The following LAMA5 variants were observed in gnomAD, a reference collection of about 807,000 sequenced individuals.
LAMA5 encodes the protein laminin subunit alpha-5.
Under a neutral mutation model 433.4 loss-of-function variants are expected in LAMA5, and 260 were observed. The ratio of observed to expected loss-of-function variants is 0.60; its 90% CI spans 0.54 to 0.66. The LOEUF (loss-of-function observed/expected upper bound fraction) is 0.66, where lower values mean the gene tolerates loss of function less well. LAMA5 is among the 30% of genes least tolerant of loss of function. The pLI is 0.00. For synonymous variants in LAMA5, 2,620 were observed against 2,226.6 expected, an observed-to-expected ratio of 1.18 and a Z score of -4.97; for missense variants, 5,378 against 5,258.5, an observed-to-expected ratio of 1.02 and a Z score of -0.70.
intron 41 of LAMA5, 60 bp downstream of exon 41, chr20:62,325,256 C>T: frequency 1.8e-6 from 2 of 1,107,306 alleles, no homozygotes; most frequent in Non-Finnish European, 2.6e-6. Context: ...AGGGAGGATG[C>T]TGGAGGGAAG....
rs1985675842 is a variant in LAMA5, at chr20:62,359,210, G to GGAGGCAATGCCCTCCTCTGCTGGGGA, written c.450+3164_450+3189dup. Among the ~76,000 whole-genome samples the GGAGGCAATGCCCTCCTCTGCTGGGGA allele has an allele frequency of 6.6e-6, 1 of 152,152 alleles. No individual in the cohort carries two copies. The highest frequency in any genetic ancestry group is 1.5e-5 in the Non-Finnish European group (1 of 68,028). On this transcript the variant is annotated intron_variant, in intron 2 of 79. Transcript: ENST00000252999. The surrounding 1 kb of genome is among the most constrained non-coding windows in gnomAD (Gnocchi z 4.3). ...CCTCACTCCTCATCTGAGGGAGGCGGGAGGCAATGCCCTCCTCTGCTGGGG... is the reference window on the plus strand; with the variant it reads ...CCTCACTCCTCATCTGAGGGAGGCGGGAGGCAATGCCCTCCTCTGCTGGGGAGAGGCAATGCCCTCCTCTGCTGGGG...
In LAMA5 at chr20:62,332,469, C is replaced by T. The variant is rs1441385632; in HGVS notation, c.3455G>A (p.Arg1152Gln). ...GTCCTGGGTATCCCGGGCAGTGCCC[C>T]GGCACAGGGTGCTGTGGGGGGAGGG... ...LHPCLYSTLC[R>Q]GTARDTQDHL... is the part of the protein sequence containing the mutation. The change falls in exon 28 of 80, where the codon CGG becomes CAG. Residue 1152 changes from arginine (R) to glutamine (Q), a missense_variant. Physicochemically the swap from Arg to Gln is conservative, Grantham distance 43 (BLOSUM62 1). Coordinates refer to ENST00000252999, the MANE Select transcript of LAMA5 (RefSeq NM_005560.6). The T allele has an allele frequency of 2.5e-6, 4 of 1,612,306 alleles. No homozygotes were observed. The highest frequency in any genetic ancestry group is 3.4e-6 in the Non-Finnish European group (4 of 1,179,806).
In LAMA5 at chr20:62,313,315, G is replaced by A; in HGVS notation, c.8792+12C>T. The A allele has an allele frequency of 1.9e-6, 3 of 1,546,690 alleles. No homozygotes were observed. In the South Asian group the frequency reaches 3.6e-5, roughly 19 times the overall value. On this transcript the variant is annotated intron_variant, in intron 64 of 79. Transcript: ENST00000252999. ...GGGGTGGGTGGAGACGGGGAGGGCA[G>A]GCCACACGCACCGGGCACAAGGCCT...
chr20:62,326,786 G>T (rs1213293664), intron 39 of LAMA5, 26 bp from the exon 40 acceptor site: 2 of 1,610,330 alleles, frequency 1.2e-6, no homozygotes, highest in Admixed American at 1.7e-5. Context: ...GGGAGGTGAG[G>T]GTTGGCACGG....
At position 62,329,446 on chromosome 20, in the gene LAMA5, G is replaced by A. The variant is rs754728728; in HGVS notation, c.4120-193C>T. Among the ~76,000 whole-genome samples the A allele has an allele frequency of 9.3e-4, 141 of 152,338 alleles. 1 individual carries two copies. Among genetic ancestry groups the A allele is most frequent in the Non-Finnish European group, 1.2e-3 (84 of 68,018 alleles). ...CCAAGCCAAACAGCAGCTTTCGGGG[G>A]CATGAGGAGGCAGCAGCATTCATGA... On this transcript the variant is annotated intron_variant, in intron 32 of 79. Coordinates refer to ENST00000252999, the MANE Select transcript of LAMA5 (RefSeq NM_005560.6).
Position 62,324,574 on chromosome 20 carries a change from G to T in LAMA5, c.5530-20C>A. The T allele has an allele frequency of 6.4e-7, 1 of 1,569,722 alleles. No individual in the cohort carries two copies. Among genetic ancestry groups the T allele is most frequent in the Non-Finnish European group, 8.7e-7 (1 of 1,145,040 alleles). ...ACATTCCTGAGGGTGTACGGGGGCA[G>T]GTGGCATCAGCGATTGAGAGGACGA... On this transcript the variant is annotated intron_variant, in intron 41 of 79. Coordinates refer to ENST00000252999, the MANE Select transcript of LAMA5 (RefSeq NM_005560.6). The surrounding 1 kb of genome is among the most constrained non-coding windows in gnomAD (Gnocchi z 4.4).
intron 41 of LAMA5, chr20:62,325,107 A>AGGCAGACGAGG: frequency 5.7e-6 from 3 of 527,568 alleles, no homozygotes; most frequent in Non-Finnish European, 9.9e-6. Flanking sequence ...GATGAGGGGC[A>AGGCAGACGAGG]GGCAGGCGGA....
chr20:62,335,735 G>C (rs1186346827), intron 18 of LAMA5, among the ~76,000 whole-genome samples: 6 of 104,864 alleles, frequency 5.7e-5, no homozygotes, highest in Admixed American at 1.2e-4. Flanking sequence ...CCAGCACCCC[G>C]AGGAAACCCC....
Position 62,314,303 on chromosome 20 carries a change from C to T in LAMA5, c.8504+1G>A. Reference sequence around the variant, plus strand: ...TCCGGCCTCTCTCCTGGGCCTCCCACCTGTCCAGGCTGACAGCTGCGAACT... The same window carrying T: ...TCCGGCCTCTCTCCTGGGCCTCCCATCTGTCCAGGCTGACAGCTGCGAACT... On this transcript the variant is annotated splice_donor_variant, in intron 62 of 79. Transcript: ENST00000252999. LOFTEE classifies it high-confidence loss of function. 1 of 1,612,898 alleles carries T rather than the reference C, an allele frequency of 6.2e-7. No individual in the cohort carries two copies. The highest frequency in any genetic ancestry group is 8.5e-7 in the Non-Finnish European group (1 of 1,179,740).
rs1986886159 is a variant in LAMA5 at position 62,315,926 on chromosome 20, GCCGGGCCCAGGCTCC to G, written c.7867+7_7867+21del. 2.6e-6 allele frequency: 4 copies of G among 1,539,718 alleles called. No individual in the cohort carries two copies. Among genetic ancestry groups the G allele is most frequent in the East Asian group, 2.3e-5 (1 of 43,058 alleles). On this transcript the variant is annotated splice_region_variant and intron_variant, in intron 58 of 79. Transcript: ENST00000252999. ...GCCTCATGGTCGGCCGGCTGCGAGAGCCGGGCCCAGGCTCCGCATACCTGTGTCCATGGCAAGCAT... is the reference window on the plus strand; with the variant it reads ...GCCTCATGGTCGGCCGGCTGCGAGAGGCATACCTGTGTCCATGGCAAGCAT...
At position 62,333,612 on chromosome 20, in the gene LAMA5, C is replaced by A; in HGVS notation, c.2973G>T (p.Leu991=). 1 of 1,577,092 alleles carries A rather than the reference C, an allele frequency of 6.3e-7. No individual in the cohort carries two copies. The highest frequency in any genetic ancestry group is 1.9e-5 in the Admixed American group (1 of 53,870). Reference sequence around the variant, plus strand: ...CACGCAGGGCCCAGGTGCCAGGGTTCAGCACAAAGGGCTCTCCGAAGCCCC... The same window carrying A: ...CACGCAGGGCCCAGGTGCCAGGGTTAAGCACAAAGGGCTCTCCGAAGCCCC... ...PQRGFGEPFV[L]NPGTWALRVE... The change falls in exon 24 of 80, where the codon CTG becomes CTT. Residue 991 remains leucine (L), a synonymous_variant. Coordinates refer to ENST00000252999, the MANE Select transcript of LAMA5 (RefSeq NM_005560.6).
At chr20:62,320,473 G>T in intron 50 of LAMA5, 86 bp downstream of exon 50, 1 of 1,018,016 alleles carries the variant, frequency 9.8e-7, no homozygotes, top group Non-Finnish European at 1.5e-6. Flanking sequence ...GAGGCATGAA[G>T]TAACATCTGC....
chr20:62,318,338 G>T (rs1987263250), intron 53 of LAMA5, 116 bp downstream of exon 53: 2 of 383,492 alleles, frequency 5.2e-6, no homozygotes, highest in Admixed American at 4.1e-5. Flanking sequence ...ACGAGGGAGG[G>T]GAGGACGGAG....
chr20:62,311,826 G>GGCCCC, intron 70 of LAMA5, 42 bp from the exon 71 acceptor site: 1 of 487,168 alleles, frequency 2.1e-6, no homozygotes, highest in Non-Finnish European at 3.5e-6. Context: ...TCCCCACCCT[G>GGCCCC]CCCACCCCCA....
intron 48 of LAMA5, among the ~76,000 whole-genome samples, chr20:62,321,152 AGTGAAGGGGCGGGGCCGGTGGAG>A (rs2146108583): frequency 3.6e-5 from 2 of 56,124 alleles, no homozygotes; most frequent in African/African-American, 1.5e-4. Flanking sequence ...AGGTGGGGCC[AGTGAAGGGGCGGGGCCGGTGGAG>A]GCAGGGTCAG....
Position 62,352,048 on chromosome 20 carries a change from C to T in LAMA5, c.719G>A (p.Gly240Asp), listed in dbSNP as rs756618172. Residue 240 changes from glycine to aspartate, a missense_variant, in exon 5 of 80, where the codon GGC becomes GAC. Physicochemically the swap from Gly to Asp is moderately conservative, Grantham distance 94. Transcript: ENST00000252999. ...IVVSLVNGRP[G>D]AMNFSYSPLL... ...CGGCGAGTAGGAGAAATTCATGGCG[C>T]CCGGACGTCCGTTCACCAGGGACAC... is the stretch of plus-strand genomic sequence containing the variant. 2 of 1,612,392 alleles carry T rather than the reference C, an allele frequency of 1.2e-6. No homozygotes were observed. The highest frequency in any genetic ancestry group is 1.7e-6 in the Non-Finnish European group (2 of 1,179,904).
Position 62,318,928 on chromosome 20 carries a change from C to A in LAMA5, c.6957G>T (p.Val2319=). 8.1e-6 allele frequency: 13 copies of A among 1,601,038 alleles called. No homozygotes were observed. Among genetic ancestry groups the A allele is most frequent in the Non-Finnish European group, 1.1e-5 (13 of 1,176,126 alleles). Residue 2319 remains valine (V), a synonymous_variant, in exon 52 of 80, where the codon GTG becomes GTT. Transcript: ENST00000252999. The stretch of plus-strand genomic sequence containing the variant: ...CCCGCATCTCCCAGAGCAGCCGCTC[C>A]ACCTCGGCCAGTGTCCGGAGCAGCT... ...GEQLLRTLAE[V]ERLLWEMRAR... is the part of the protein sequence containing the mutation.
intron 63 of LAMA5, 82 bp from the exon 64 acceptor site, chr20:62,313,542 C>A: frequency 6.4e-7 from 1 of 1,562,486 alleles, no homozygotes. Flanking sequence ...CAGACTACAG[C>A]AGGACGGACT....
Position 62,315,312 on chromosome 20 carries a change from T to TGTTGG in LAMA5, c.7868-106_7868-105insCCAAC, listed in dbSNP as rs1375999374. On this transcript the variant is annotated intron_variant, in intron 58 of 79. Transcript: ENST00000252999. ...CCAGCAACAGGGACATCCAACCCCC[T>TGTTGG]ATGGATCGTGTGAGACCCTCACACC... 4 of 984,850 alleles carry TGTTGG rather than the reference T, an allele frequency of 4.1e-6. No individual in the cohort carries two copies. In the African/African-American group the frequency reaches 6.5e-5, roughly 16 times the overall value. The allele number at this position is 984,850 out of a possible 1,614,324, so 61.0% of individuals were successfully genotyped here. A position where few individuals can be genotyped will look rare whatever the true frequency, so the allele number is the denominator to read the frequency against.
Sources: gnomAD v4.1 joint callset for allele counts (sites outside exome capture counted in the v4.1 genomes callset) on GRCh38, gnomAD v4.1.1 for gene constraint, Gnocchi (gnomAD v3.1) non-coding constraint, MANE v1.5 for transcripts, NCBI Gene and HGNC (gene_info 2026-07-23, HGNC 2026-07-21) for gene names.